DISC1: variants seen among roughly 807,000 people sequenced by gnomAD.
DISC1 encodes disrupted in schizophrenia 1 protein.
In DISC1, 57 loss-of-function variants were observed where a neutral mutation model predicts 84.5. That is an observed-to-expected ratio of 0.67 (90% CI 0.55 to 0.84). The LOEUF (loss-of-function observed/expected upper bound fraction) is 0.84, where lower values mean the gene tolerates loss of function less well. DISC1 is among the 40% of genes least tolerant of loss of function. The pLI is 0.00. For missense variants in DISC1, 1,000 were observed against 1,057.8 expected, an observed-to-expected ratio of 0.95 and a Z score of 0.76; for synonymous variants, 411 against 415.2, an observed-to-expected ratio of 0.99 and a Z score of 0.12.
chr1:231,858,537 A>T (rs183077738), intron 9 of DISC1, among the ~76,000 whole-genome samples: 4 of 152,144 alleles, frequency 2.6e-5, no homozygotes, highest in Admixed American at 2.6e-4. Context: ...TCTGTGTCGC[A>T]TGCTGTCTTC....
chr1:232,022,558 G>A (rs111412746), intron 11 of DISC1, among the ~76,000 whole-genome samples: 3,701 of 152,018 alleles, frequency 0.024, 159 homozygotes, highest in African/African-American at 0.083. Flanking sequence ...CACCTGCCTC[G>A]GCCTCCCAAA....
chr1:231,646,963 G>A (rs1206602463), intron 1 of DISC1, among the ~76,000 whole-genome samples: 4 of 152,096 alleles, frequency 2.6e-5, no homozygotes. Context: ...CTGGATATTA[G>A]CCCTTTGTCA....
chr1:231,699,051 CCA>C (rs2066068705), intron 2 of DISC1, among the ~76,000 whole-genome samples: 1 of 152,112 alleles, frequency 6.6e-6, no homozygotes, highest in Admixed American at 6.5e-5. Context: ...GCTTCATGTT[CCA>C]CAGAGATTTT....
At chr1:231,821,714 CTT>C (rs200487656) in intron 9 of DISC1, among the ~76,000 whole-genome samples, 6,682 of 137,124 alleles carry the variant, frequency 0.049, 155 homozygotes, top group Middle Eastern at 0.084. Context: ...GCTACATCTG[CTT>C]TTTTTTTTTT....
chr1:231,816,085 C>T (rs2080945324), intron 8 of DISC1, among the ~76,000 whole-genome samples: 1 of 152,140 alleles, frequency 6.6e-6, no homozygotes, highest in Admixed American at 6.5e-5. Flanking sequence ...CGTGAGAGTT[C>T]CAGTTGCTCC....
intron 1 of DISC1, among the ~76,000 whole-genome samples, chr1:231,627,441 G>A (rs200294433): frequency 4.1e-4 from 62 of 152,322 alleles, no homozygotes; most frequent in Non-Finnish European, 6.8e-4. Context: ...GGCTGGGAGC[G>A]GGACCAGGAA....
chr1:231,999,067 GT>G (rs1157700519), intron 10 of DISC1, among the ~76,000 whole-genome samples: 1 of 151,920 alleles, frequency 6.6e-6, no homozygotes, highest in Non-Finnish European at 1.5e-5. Flanking sequence ...AAAATATAAT[GT>G]ATAATTTTTA....
At chr1:231,751,224 T>G (rs1021620377) in intron 4 of DISC1, among the ~76,000 whole-genome samples, 2 of 152,238 alleles carry the variant, frequency 1.3e-5, no homozygotes, top group African/African-American at 4.8e-5. Flanking sequence ...TGACTTTCTC[T>G]GTAATTCTCT....
At chr1:231,702,654 C>CA (rs925413522) in intron 3 of DISC1, 11 of 968,888 alleles carry the variant, frequency 1.1e-5, no homozygotes, top group Non-Finnish European at 1.2e-5. Context: ...AACAAAAAAA[C>CA]AAAAAAACCA....
chr1:231,967,604 T>C (rs1661293512), intron 10 of DISC1, among the ~76,000 whole-genome samples: 1 of 152,230 alleles, frequency 6.6e-6, no homozygotes, highest in Admixed American at 6.5e-5. Flanking sequence ...ATATTCACTG[T>C]CGGATTTATA....
intron 9 of DISC1, among the ~76,000 whole-genome samples, chr1:231,946,910 G>A (rs1052670106): frequency 6.6e-6 from 1 of 152,150 alleles, no homozygotes; most frequent in Non-Finnish European, 1.5e-5. Flanking sequence ...GGTTGTGAAG[G>A]ACCTCTTCAA....
chr1:231,834,235 G>A (rs2082458657), intron 9 of DISC1, among the ~76,000 whole-genome samples: 1 of 152,138 alleles, frequency 6.6e-6, no homozygotes, highest in Admixed American at 6.5e-5. Flanking sequence ...AGGATTATAG[G>A]GTGGAGGAGT....
At chr1:231,788,244 C>T (rs190083130) in intron 6 of DISC1, among the ~76,000 whole-genome samples, 3 of 152,292 alleles carry the variant, frequency 2.0e-5, no homozygotes, top group Admixed American at 1.3e-4. Context: ...GAGATCACAC[C>T]ACTGCACTCC....
chr1:232,007,104 G>C (rs964317274), intron 10 of DISC1, among the ~76,000 whole-genome samples: 5 of 152,178 alleles, frequency 3.3e-5, no homozygotes, highest in Non-Finnish European at 7.4e-5. Flanking sequence ...GAAACGCCTG[G>C]ATTTCCAGGC....
chr1:231,930,338 T>C (rs1388398191), intron 9 of DISC1, among the ~76,000 whole-genome samples: 8 of 152,114 alleles, frequency 5.3e-5, no homozygotes, highest in Admixed American at 5.2e-4. Flanking sequence ...GCCTCAGAGT[T>C]CTTTTCACCC....
intron 12 of DISC1, among the ~76,000 whole-genome samples, chr1:232,028,849 G>A (rs889987860): frequency 1.3e-5 from 2 of 152,162 alleles, no homozygotes; most frequent in Admixed American, 6.5e-5. Context: ...TAACTCCACA[G>A]TGGCTTAGAT....
intron 3 of DISC1, among the ~76,000 whole-genome samples, chr1:231,726,030 C>T (rs2070638411): frequency 6.6e-6 from 1 of 152,076 alleles, no homozygotes; most frequent in Non-Finnish European, 1.5e-5. Context: ...CTCTTTGGAG[C>T]TGGCAGCAAA....
chr1:231,696,042 G>T (rs535766542), intron 2 of DISC1, among the ~76,000 whole-genome samples: 1 of 152,076 alleles, frequency 6.6e-6, no homozygotes, highest in Non-Finnish European at 1.5e-5. Context: ...CCCGAAACCC[G>T]TTCTGAAGGG....
At chr1:232,027,870 A>G (rs1669627296) in intron 12 of DISC1, among the ~76,000 whole-genome samples, 1 of 151,828 alleles carries the variant, frequency 6.6e-6, no homozygotes, top group Non-Finnish European at 1.5e-5. Context: ...TCTTAGTCAT[A>G]AATACTCAGA....
Sources: gnomAD v4.1 joint callset for allele counts (sites outside exome capture counted in the v4.1 genomes callset) on GRCh38, gnomAD v4.1.1 for gene constraint, MANE v1.5 for transcripts, NCBI Gene and HGNC (gene_info 2026-07-23, HGNC 2026-07-21) for gene names.